PPARD: variants seen among roughly 807,000 people sequenced by gnomAD.
PPARD encodes the protein peroxisome proliferator activated receptor delta, also known as peroxisome proliferator-activated receptor delta.
A neutral mutation model predicts 39.5 loss-of-function variants in PPARD; 6 were observed. That is an observed-to-expected ratio of 0.15 (90% CI 0.08 to 0.30). PPARD has a LOEUF of 0.30. Ranked by LOEUF, PPARD falls within the 10% of genes least tolerant of loss-of-function variation. The probability of loss-of-function intolerance (pLI) is 1.00; values close to 1 mark genes in which losing one functional copy is unlikely to be tolerated. For missense variants in PPARD, 397 were observed against 596.8 expected (o/e 0.67, Z 3.49); for synonymous variants, 210 against 231.3 (o/e 0.91, Z 0.83).
At chr6:35,394,493 G>C (rs895334160) in intron 2 of PPARD, among the ~76,000 whole-genome samples, 10 of 151,860 alleles carry the variant, frequency 6.6e-5, no homozygotes, top group African/African-American at 2.2e-4. Flanking sequence ...ATAAGCAGCC[G>C]GGCATGATGA....
chr6:35,399,256 TG>T (rs1439564216), intron 2 of PPARD, among the ~76,000 whole-genome samples: 1 of 150,700 alleles, frequency 6.6e-6, no homozygotes, highest in African/African-American at 2.4e-5. Flanking sequence ...AAAAATTAGC[TG>T]GGTGTGGTGG....
intron 3 of PPARD, among the ~76,000 whole-genome samples, chr6:35,419,095 C>T (rs36018387): frequency 0.073 from 11,094 of 152,216 alleles, 558 homozygotes; most frequent in Non-Finnish European, 0.11. Flanking sequence ...TCTGTGGCTT[C>T]GGTCCCCCAA....
chr6:35,388,573 G>A (rs1181005404), intron 2 of PPARD, among the ~76,000 whole-genome samples: 14 of 152,248 alleles, frequency 9.2e-5, no homozygotes, highest in Middle Eastern at 3.4e-3. Context: ...GTAGCCGGGC[G>A]TGGTGGCGCA....
At chr6:35,380,197 T>C (rs1763053393) in intron 2 of PPARD, among the ~76,000 whole-genome samples, 1 of 152,236 alleles carries the variant, frequency 6.6e-6, no homozygotes, top group Admixed American at 6.5e-5. Flanking sequence ...AGGTAGTCTA[T>C]AGTCTCAGAC....
intron 2 of PPARD, among the ~76,000 whole-genome samples, chr6:35,392,240 T>G (rs1764051996): frequency 1.3e-5 from 2 of 150,330 alleles, no homozygotes; most frequent in African/African-American, 4.9e-5. Flanking sequence ...ACGGAAGTAT[T>G]TATTTCAAGG....
rs552311292 is a variant in PPARD at position 35,412,503 on chromosome 6, C to T, written c.130+1286C>T. ...TGGAGCAGGAGGAGGCAGTTAGTGT[C>T]CAAGCTAAGGCAGGGTGAAGGCTGT... On this transcript the variant is annotated intron_variant, in intron 3 of 7. Transcript: ENST00000360694. This position sits in a 1 kb window ranked among gnomAD's most constrained non-coding sequence, Gnocchi z 4.1. Among the ~76,000 whole-genome samples the T allele has an allele frequency of 6.6e-6, 1 of 152,282 alleles. No homozygotes were observed. Among genetic ancestry groups the T allele is most frequent in the East Asian group, 1.9e-4 (1 of 5,186 alleles).
intron 3 of PPARD, among the ~76,000 whole-genome samples, chr6:35,418,868 C>A (rs764856405): frequency 5.3e-5 from 8 of 152,314 alleles, no homozygotes; most frequent in Non-Finnish European, 8.8e-5. Context: ...TGTGCTCCCC[C>A]TCCTGTGGTC....
chr6:35,390,018 C>G (rs571962049), intron 2 of PPARD, among the ~76,000 whole-genome samples: 2 of 152,210 alleles, frequency 1.3e-5, no homozygotes, highest in African/African-American at 4.8e-5. Flanking sequence ...TAGCCAGGTC[C>G]TGGCCCTTTA....
intron 2 of PPARD, among the ~76,000 whole-genome samples, chr6:35,384,583 C>T (rs1300988757): frequency 1.5e-5 from 1 of 67,896 alleles, no homozygotes; most frequent in African/African-American, 8.2e-5. Flanking sequence ...CCCCTCTGCC[C>T]GGCCAGCCGC....
At chr6:35,393,736 C>T (rs1279191477) in intron 2 of PPARD, among the ~76,000 whole-genome samples, 1 of 152,162 alleles carries the variant, frequency 6.6e-6, no homozygotes, top group African/African-American at 2.4e-5. Context: ...AGATTTGAAA[C>T]CTCTTGTTTT....
At position 35,424,575 on chromosome 6, in the gene PPARD, G is replaced by T. The variant is rs200899270; in HGVS notation, c.874G>T (p.Ala292Ser). 1 of 1,614,202 alleles carries T rather than the reference G, an allele frequency of 6.2e-7. No homozygotes were observed. The highest frequency in any genetic ancestry group is 8.5e-7 in the Non-Finnish European group (1 of 1,180,042). The change falls in exon 7 of 8, where the codon GCC becomes TCC. Residue 292 changes from alanine to serine, a missense_variant. Coordinates refer to ENST00000360694, the MANE Select transcript of PPARD (RefSeq NM_006238.5). This position sits in a 1 kb window ranked among gnomAD's most constrained non-coding sequence, Gnocchi z 7.1. ...GTATGGCGTGCACGAGGCCATCTTC[G>T]CCATGCTGGCCTCTATCGTCAACAA... is the stretch of plus-strand genomic sequence containing the variant. ...LKYGVHEAIFAMLASIVNKDG... is the reference protein window; with the variant it reads ...LKYGVHEAIFSMLASIVNKDG...
chr6:35,408,430 C>G (rs140487082), intron 2 of PPARD, among the ~76,000 whole-genome samples: 1,988 of 152,314 alleles, frequency 0.013, 16 homozygotes, highest in Middle Eastern at 0.027. Context: ...CCAGCTGCCA[C>G]TTGGAGAAAG....
intron 5 of PPARD, among the ~76,000 whole-genome samples, chr6:35,422,185 G>C (rs145079167): frequency 2.2e-4 from 33 of 152,204 alleles, no homozygotes; most frequent in African/African-American, 6.8e-4. Flanking sequence ...GGTCCCAGGC[G>C]TGGGGTAGTG....
intron 2 of PPARD, among the ~76,000 whole-genome samples, chr6:35,347,746 T>TTATAGGCACC (rs1760961696): frequency 6.6e-6 from 1 of 151,824 alleles, no homozygotes; most frequent in Non-Finnish European, 1.5e-5. Flanking sequence ...GTAGCTGGGA[T>TTATAGGCACC]TATAGGCACC....
At chr6:35,356,416 C>A (rs1761616238) in intron 2 of PPARD, among the ~76,000 whole-genome samples, 1 of 152,174 alleles carries the variant, frequency 6.6e-6, no homozygotes, top group Non-Finnish European at 1.5e-5. Context: ...TTGTCAGAAT[C>A]CAGAGCTCTC....
chr6:35,413,693 T>A (rs1479284123), intron 3 of PPARD, among the ~76,000 whole-genome samples: 4 of 151,788 alleles, frequency 2.6e-5, no homozygotes, highest in Non-Finnish European at 4.4e-5. Context: ...TCTTTTTTTT[T>A]TTTTTTGAGA....
chr6:35,386,255 C>CTT lies in PPARD; in HGVS notation c.-101-24730_-101-24729dup, dbSNP rs565385923. The stretch of plus-strand genomic sequence containing the variant: ...GTAGTTCTTAGTCGTTTTCAAGGCC[C>CTT]TTTGCATTCTTTGCATCGTGCTCTC... On this transcript the variant is annotated intron_variant, in intron 2 of 7. Transcript: ENST00000360694. Among the ~76,000 whole-genome samples, 7 of 151,540 alleles carry CTT rather than the reference C, an allele frequency of 4.6e-5. No homozygotes were observed. The East Asian group carries it at 9.7e-4, about 21-fold the overall frequency.
In PPARD at chr6:35,427,048, G is replaced by C. The variant is rs1355248457; in HGVS notation, c.*969G>C. On this transcript the variant is annotated 3_prime_UTR_variant, in exon 8 of 8. Coordinates refer to ENST00000360694, the MANE Select transcript of PPARD (RefSeq NM_006238.5). The stretch of plus-strand genomic sequence containing the variant: ...TCTGCCCCTAGGACTCGGGGTCTGA[G>C]TCCTGGGGTCAGGCCAGGGAGAGCT... The C allele has an allele frequency of 6.6e-6, 1 of 152,432 alleles. No homozygotes were observed. Among genetic ancestry groups the C allele is most frequent in the African/African-American group, 2.4e-5 (1 of 41,464 alleles). The allele number at this position is 152,432 out of a possible 1,614,324, so 9.4% of individuals were successfully genotyped here. A position where few individuals can be genotyped will look rare whatever the true frequency, so the allele number is the denominator to read the frequency against.
intron 5 of PPARD, among the ~76,000 whole-genome samples, chr6:35,423,053 A>AC (rs1554214088): frequency 9.8e-6 from 1 of 101,562 alleles, no homozygotes. Context: ...CCTCATCTCT[A>AC]CAAAAAAAAA....
Sources: allele counts gnomAD v4.1 joint callset (sites outside exome capture counted in the v4.1 genomes callset), GRCh38; gene constraint gnomAD v4.1.1; non-coding constraint Gnocchi (gnomAD v3.1); transcripts MANE v1.5; gene names NCBI Gene and HGNC (gene_info 2026-07-23, HGNC 2026-07-21).